NBEA: variants seen among roughly 807,000 people sequenced by gnomAD.
NBEA encodes lysosomal-trafficking regulator 2.
A neutral mutation model predicts 343.4 loss-of-function variants in NBEA; 44 were observed. The observed-to-expected ratio is 0.13, with a 90% CI of 0.10 to 0.16. The LOEUF (loss-of-function observed/expected upper bound fraction) is 0.16. Among genes scored for constraint, NBEA ranks in the 10% least tolerant of loss-of-function variants. The pLI is 1.00. For missense variants in NBEA, 2,555 were observed against 3,631.3 expected (o/e 0.70, Z 7.62); for synonymous variants, 1,175 against 1,238.7 (o/e 0.95, Z 1.08).
intron 33 of NBEA, among the ~76,000 whole-genome samples, chr13:35,221,119 G>C (rs1227352017): frequency 6.6e-6 from 1 of 152,072 alleles, no homozygotes; most frequent in Non-Finnish European, 1.5e-5. Flanking sequence ...GCCGAGGTGG[G>C]CAGATCACAA....
intron 38 of NBEA, 46 bp downstream of exon 38, chr13:35,352,369 A>G: frequency 9.4e-7 from 1 of 1,059,294 alleles, no homozygotes; most frequent in Non-Finnish European, 1.3e-6. Context: ...TAGGTTAATT[A>G]TAATAGTTGG....
At chr13:34,971,305 A>T (rs1479304820) in intron 1 of NBEA, among the ~76,000 whole-genome samples, 1 of 152,112 alleles carries the variant, frequency 6.6e-6, no homozygotes. Flanking sequence ...TAGATACAGG[A>T]TCATGTCATT....
rs950227592 is a variant in NBEA, at chr13:35,476,839, T to C, written c.6585+4303T>C. The stretch of plus-strand genomic sequence containing the variant: ...TGGATATAGGCACACAAACTAAAGG[T>C]AGGAGGCTGCTGCCGGCGGAAAACC... On this transcript the variant is annotated intron_variant, in intron 41 of 58. Coordinates refer to ENST00000379939, the MANE Select transcript of NBEA (RefSeq NM_001385012.1). 1.3e-5 allele frequency: 13 copies of C among 1,006,974 alleles called. 4 individuals are homozygous for C. The Admixed American group carries it at 6.7e-4, about 52-fold the overall frequency. 62.4% of individuals were successfully genotyped at this position (1,006,974 alleles called of 1,614,324 possible). A position where few individuals can be genotyped will look rare whatever the true frequency, so the allele number is the denominator to read the frequency against.
intron 24 of NBEA, among the ~76,000 whole-genome samples, chr13:35,165,268 GTTC>G (rs1361907429): frequency 6.6e-6 from 1 of 152,082 alleles, no homozygotes; most frequent in East Asian, 1.9e-4. Flanking sequence ...TTTTCTTACT[GTTC>G]TTTTGTTAAT....
chr13:35,115,442 C>G (rs930056443), intron 13 of NBEA, among the ~76,000 whole-genome samples: 2 of 152,128 alleles, frequency 1.3e-5, no homozygotes, highest in Non-Finnish European at 2.9e-5. Flanking sequence ...CACCTCTTTT[C>G]TACTCCCTGT....
At chr13:35,259,092 A>G (rs1428802095) in intron 34 of NBEA, among the ~76,000 whole-genome samples, 1 of 152,206 alleles carries the variant, frequency 6.6e-6, no homozygotes, top group Non-Finnish European at 1.5e-5. Context: ...GTTCCTTTCC[A>G]TGCTAAGCAC....
Position 35,156,087 on chromosome 13 carries a change from T to A in NBEA, c.2532T>A (p.Ile844=). The change falls in exon 20 of 59, where the codon ATT becomes ATA. Residue 844 remains isoleucine (I), a synonymous_variant. Coordinates refer to ENST00000379939, the MANE Select transcript of NBEA (RefSeq NM_001385012.1). ...GTTTTTTTTCTTTGTTTACAGTGAT[T>A]CTTAAAGTGGTGGCAACTTTGTTAA... The part of the protein sequence containing the change: ...DSTVKIQNPM[I]LKVVATLLKN... 1 of 1,578,666 alleles carries A rather than the reference T, an allele frequency of 6.3e-7. No individual in the cohort carries two copies. The highest frequency in any genetic ancestry group is 8.6e-7 in the Non-Finnish European group (1 of 1,168,346).
In NBEA at chr13:34,953,178, GT is replaced by G. The variant is rs1348217612; in HGVS notation, c.294+10065del. Reference sequence around the variant, plus strand: ...AAATATTCAGTGAAATAAAGTAATTGTCTTTTTAAGCTAAGCAAGTCTGCTG... The same window carrying G: ...AAATATTCAGTGAAATAAAGTAATTGCTTTTTAAGCTAAGCAAGTCTGCTG... On this transcript the variant is annotated intron_variant, in intron 1 of 58. Transcript: ENST00000379939. Among the ~76,000 whole-genome samples, 4 of 152,216 alleles carry G rather than the reference GT, an allele frequency of 2.6e-5. No homozygotes were observed. In the South Asian group the frequency reaches 8.3e-4, roughly 32 times the overall value.
At chr13:35,650,782 T>A (rs1372604945) in intron 52 of NBEA, among the ~76,000 whole-genome samples, 1 of 152,142 alleles carries the variant, frequency 6.6e-6, no homozygotes, top group Non-Finnish European at 1.5e-5. Flanking sequence ...ACCAAATGAT[T>A]TAGTTGGCCC....
At chr13:35,353,450 T>C (rs1473789216) in intron 38 of NBEA, among the ~76,000 whole-genome samples, 1 of 152,010 alleles carries the variant, frequency 6.6e-6, no homozygotes, top group Non-Finnish European at 1.5e-5. Flanking sequence ...AAAAAGATTC[T>C]GTTAGAGAAA....
chr13:35,149,952 C>T (rs1031693613), intron 18 of NBEA, among the ~76,000 whole-genome samples: 2 of 152,164 alleles, frequency 1.3e-5, no homozygotes, highest in African/African-American at 4.8e-5. Context: ...ACCACCTATA[C>T]TCCTGTGTAT....
At chr13:35,460,632 G>T (rs1051014998) in intron 40 of NBEA, among the ~76,000 whole-genome samples, 2 of 152,020 alleles carry the variant, frequency 1.3e-5, no homozygotes, top group African/African-American at 2.4e-5. Flanking sequence ...ATAAACATAT[G>T]TCCCCTTCAA....
At chr13:35,171,528 A>T in intron 26 of NBEA, 76 bp downstream of exon 26, 2 of 1,136,312 alleles carry the variant, frequency 1.8e-6, no homozygotes, top group Non-Finnish European at 2.4e-6. Context: ...TGGTACATAA[A>T]ATATTAATGA....
At chr13:35,416,722 G>A (rs185273235) in intron 38 of NBEA, among the ~76,000 whole-genome samples, 1 of 152,128 alleles carries the variant, frequency 6.6e-6, no homozygotes, top group South Asian at 2.1e-4. Context: ...TGTCTGCCAG[G>A]CTTTAGTATC....
chr13:35,309,125 T>A (rs1461074888), intron 35 of NBEA, among the ~76,000 whole-genome samples: 1 of 152,104 alleles, frequency 6.6e-6, no homozygotes, highest in Non-Finnish European at 1.5e-5. Flanking sequence ...ATATTTCTAG[T>A]ATTCATTTTA....
intron 38 of NBEA, among the ~76,000 whole-genome samples, chr13:35,372,870 C>T (rs2041521729): frequency 6.6e-6 from 1 of 152,100 alleles, no homozygotes; most frequent in African/African-American, 2.4e-5. Flanking sequence ...GGCCACAGGG[C>T]AGGATGTAGT....
At chr13:35,595,407 G>A (rs1257751815) in intron 47 of NBEA, among the ~76,000 whole-genome samples, 1 of 151,892 alleles carries the variant, frequency 6.6e-6, no homozygotes, top group Non-Finnish European at 1.5e-5. Flanking sequence ...ACATTACACA[G>A]ATTGCTCTCA....
chr13:35,523,313 A>C (rs2077809926), intron 41 of NBEA, among the ~76,000 whole-genome samples: 2 of 152,352 alleles, frequency 1.3e-5, no homozygotes, highest in East Asian at 1.9e-4. Context: ...CAAGGTACAG[A>C]GTTAATTCTC....
At chr13:35,035,403 G>A (rs887822157) in intron 1 of NBEA, among the ~76,000 whole-genome samples, 3 of 151,750 alleles carry the variant, frequency 2.0e-5, no homozygotes, top group East Asian at 3.9e-4. Flanking sequence ...TTTTTGGAAT[G>A]TCTCAAGATT....
Sources: gnomAD v4.1 joint callset for allele counts (sites outside exome capture counted in the v4.1 genomes callset) on GRCh38, gnomAD v4.1.1 for gene constraint, MANE v1.5 for transcripts, NCBI Gene and HGNC (gene_info 2026-07-23, HGNC 2026-07-21) for gene names.